The following LIMS1 variants were observed in gnomAD, a reference collection of about 807,000 sequenced individuals.
The protein encoded by LIMS1 is LIM and senescent cell antigen-like-containing domain protein 1.
LIMS1 carries 18 observed loss-of-function variants against 44.1 expected under a neutral mutation model. That is an observed-to-expected ratio of 0.41 (90% CI 0.28 to 0.61). The LOEUF is 0.61. Ranked by LOEUF, LIMS1 falls within the 20% of genes least tolerant of loss-of-function variation. The pLI is 0.32. For synonymous variants in LIMS1, 93 were observed against 149.1 expected (o/e 0.62, Z 2.74); for missense variants, 201 against 422.0 (o/e 0.48, Z 4.59).
At chr2:108,651,497 T>C (rs1690482861) in intron 1 of LIMS1, among the ~76,000 whole-genome samples, 1 of 152,306 alleles carries the variant, frequency 6.6e-6, no homozygotes, top group African/African-American at 2.4e-5. Context: ...ACAAACCTGT[T>C]TTACATTCAT....
intron 1 of LIMS1, among the ~76,000 whole-genome samples, chr2:108,648,608 C>T (rs770810819): frequency 3.3e-5 from 5 of 152,150 alleles, no homozygotes; most frequent in Non-Finnish European, 5.9e-5. Flanking sequence ...ACTACAAAAA[C>T]AGCATGGTAC....
intron 2 of LIMS1, chr2:108,662,741 C>G (rs1691465543): frequency 3.4e-5 from 32 of 934,386 alleles, no homozygotes; most frequent in Non-Finnish European, 3.8e-5. Flanking sequence ...AGTTTGCCTT[C>G]CATTTGGGAC....
At chr2:108,666,738 A>G (rs1433445807) in intron 2 of LIMS1, among the ~76,000 whole-genome samples, 1 of 148,022 alleles carries the variant, frequency 6.8e-6, no homozygotes, top group East Asian at 2.0e-4. Flanking sequence ...ACAGTGAGCT[A>G]TAATCATGCC....
intron 1 of LIMS1, among the ~76,000 whole-genome samples, chr2:108,614,658 A>G (rs1192189193): frequency 2.0e-5 from 3 of 152,236 alleles, no homozygotes; most frequent in African/African-American, 7.2e-5. Flanking sequence ...TATCGGAGTT[A>G]GGAAAAAATA....
chr2:108,579,109 G>A (rs1685789747), intron 1 of LIMS1, among the ~76,000 whole-genome samples: 1 of 151,902 alleles, frequency 6.6e-6, no homozygotes, highest in Non-Finnish European at 1.5e-5. Context: ...TTTTTTGACT[G>A]GTTTAACTAA....
At chr2:108,560,037 G>C (rs1440779982) in intron 1 of LIMS1, among the ~76,000 whole-genome samples, 1 of 152,088 alleles carries the variant, frequency 6.6e-6, no homozygotes, top group African/African-American at 2.4e-5. Flanking sequence ...AGGTGGTGGA[G>C]AATGCCTTCC....
chr2:108,657,721 C>G (rs1316034274), intron 1 of LIMS1, among the ~76,000 whole-genome samples: 1 of 152,288 alleles, frequency 6.6e-6, no homozygotes, highest in African/African-American at 2.4e-5. Flanking sequence ...AAGCTGCTTC[C>G]CTTTCTCCCT....
At chr2:108,657,491 T>C (rs1332310396) in intron 1 of LIMS1, among the ~76,000 whole-genome samples, 1 of 152,302 alleles carries the variant, frequency 6.6e-6, no homozygotes, top group Admixed American at 6.5e-5. Flanking sequence ...GAGCTTACCG[T>C]GCTCCTTCAT....
intron 1 of LIMS1, among the ~76,000 whole-genome samples, chr2:108,555,432 C>T (rs1187886166): frequency 6.6e-6 from 1 of 152,116 alleles, no homozygotes; most frequent in African/African-American, 2.4e-5. Context: ...TCTCCCTCTG[C>T]CTCTCATCTC....
At chr2:108,550,475 G>C (rs1326751878) in intron 1 of LIMS1, among the ~76,000 whole-genome samples, 1 of 150,302 alleles carries the variant, frequency 6.7e-6, no homozygotes. Context: ...CTCCAGCCTG[G>C]GTGACAGAGC....
intron 1 of LIMS1, among the ~76,000 whole-genome samples, chr2:108,576,379 A>G (rs1558793815): frequency 6.6e-6 from 1 of 152,084 alleles, no homozygotes; most frequent in Non-Finnish European, 1.5e-5. Flanking sequence ...CTGGAATTAC[A>G]GGCATGCACC....
intron 5 of LIMS1, 178 bp downstream of exon 5, chr2:108,673,207 G>A (rs563704391): frequency 1.3e-4 from 123 of 962,572 alleles, no homozygotes; most frequent in East Asian, 1.2e-3. Flanking sequence ...ACTTAATTTC[G>A]TTTCACCAGT....
chr2:108,591,459 T>C (rs377517161), intron 1 of LIMS1, among the ~76,000 whole-genome samples: 112 of 152,140 alleles, frequency 7.4e-4, no homozygotes, highest in African/African-American at 2.6e-3. Context: ...GAAACTTTTT[T>C]TAAAAAAAAA....
In LIMS1 at chr2:108,552,613, T is replaced by C. The variant is rs538078089; in HGVS notation, c.32+18019T>C. On this transcript the variant is annotated intron_variant, in intron 1 of 9. Coordinates refer to ENST00000544547, the Ensembl canonical transcript of LIMS1. ...GTGTGTGTGTGTGTGTGTGTGTGTGTTTTTGGAGACAGGGTGTTGCTCTGT... is the reference window on the plus strand; with the variant it reads ...GTGTGTGTGTGTGTGTGTGTGTGTGCTTTTGGAGACAGGGTGTTGCTCTGT... Among the ~76,000 whole-genome samples the C allele has an allele frequency of 4.8e-3, 718 of 148,672 alleles. 7 individuals carry two copies. Among genetic ancestry groups the C allele is most frequent in the Middle Eastern group, 0.017 (5 of 286 alleles).
At chr2:108,550,046 TATA>T (rs1684629613) in intron 1 of LIMS1, among the ~76,000 whole-genome samples, 3 of 152,154 alleles carry the variant, frequency 2.0e-5, no homozygotes, top group Admixed American at 6.6e-5. Context: ...AGTGAAATTA[TATA>T]ATATTTATCA....
intron 1 of LIMS1, among the ~76,000 whole-genome samples, chr2:108,568,008 T>G (rs995344347): frequency 6.6e-6 from 1 of 152,252 alleles, no homozygotes; most frequent in Non-Finnish European, 1.5e-5. Flanking sequence ...AAAAATTGGG[T>G]AAATGGTTAT....
chr2:108,669,835 A>T (rs187789079), intron 2 of LIMS1, among the ~76,000 whole-genome samples: 2 of 152,214 alleles, frequency 1.3e-5, no homozygotes, highest in African/African-American at 4.8e-5. Flanking sequence ...TAATTGTGGG[A>T]GGAAAGGGCA....
chr2:108,607,118 A>G (rs758523765), intron 1 of LIMS1: 32 of 1,067,894 alleles, frequency 3.0e-5, no homozygotes, highest in Admixed American at 6.8e-5. Context: ...TACTGCCCTT[A>G]TAAAATAGGC....
chr2:108,607,367 T>C, intron 1 of LIMS1: 1 of 1,022,048 alleles, frequency 9.8e-7, no homozygotes, highest in Non-Finnish European at 1.5e-6. Context: ...AGTACATGTG[T>C]GCACATATAG....
Sources: allele counts gnomAD v4.1 joint callset (sites outside exome capture counted in the v4.1 genomes callset), GRCh38; gene constraint gnomAD v4.1.1; transcripts MANE v1.5; gene names NCBI Gene and HGNC (gene_info 2026-07-23, HGNC 2026-07-21).